Variants in THOC2 observed in about 807,000 individuals in gnomAD.
THOC2 encodes THO complex 2.
In THOC2, 10 loss-of-function variants were observed where a neutral mutation model predicts 128.4. That is an observed-to-expected ratio of 0.08 (90% CI 0.05 to 0.13). The LOEUF is 0.13. Among genes scored for constraint, THOC2 ranks in the 10% least tolerant of loss-of-function variants. The probability of loss-of-function intolerance (pLI) is 1.00; values close to 1 mark genes in which losing one functional copy is unlikely to be tolerated. For missense variants in THOC2, 535 were observed against 1,155.7 expected (o/e 0.46, Z 7.79); for synonymous variants, 393 against 396.9 (o/e 0.99, Z 0.12).
chrX:123,672,571 G>T (rs1422911385), intron 8 of THOC2, among the ~76,000 whole-genome samples: 1 of 111,801 alleles, frequency 8.9e-6, no homozygotes, highest in Non-Finnish European at 1.9e-5. Flanking sequence ...TATTTCTTGG[G>T]TTTTATGCTA....
Position 123,632,924 on chromosome X carries a change from A to G in THOC2, c.2253T>C (p.Asn751=). ...CTCCACCTTCCTGAAAGATTACCCC[A>G]TTTCTCTGCTGAGCCATAAGCAGAC... ...PLCLLMAQQR[N]GVIFQEGGEK... Residue 751 remains asparagine (N), a synonymous_variant, in exon 21 of 39, where the codon AAT becomes AAC. Transcript: ENST00000245838. The G allele has an allele frequency of 1.7e-6, 2 of 1,209,171 alleles. No individual in the cohort carries two copies. The highest frequency in any genetic ancestry group is 2.2e-6 in the Non-Finnish European group (2 of 893,575).
intron 1 of THOC2, among the ~76,000 whole-genome samples, chrX:123,728,811 T>C (rs777435000): frequency 1.8e-5 from 2 of 112,530 alleles, no homozygotes; most frequent in South Asian, 3.6e-4. Flanking sequence ...AACTTTCTAA[T>C]TGATACCTAA....
chrX:123,716,549 C>T (rs758159849), intron 1 of THOC2, among the ~76,000 whole-genome samples: 24 of 110,287 alleles, frequency 2.2e-4, no homozygotes, highest in Admixed American at 2.9e-4. Flanking sequence ...CACGGTGAAT[C>T]TCCGTCTCTA....
At position 123,709,460 on chromosome X, in the gene THOC2, G is replaced by A. The variant is rs751853307; in HGVS notation, c.131-2511C>T. Among the ~76,000 whole-genome samples the A allele has an allele frequency of 4.4e-3, 486 of 110,466 alleles. 2 individuals carry two copies. The highest frequency in any genetic ancestry group is 0.015 in the African/African-American group (460 of 30,389). ...CAAAAAATTAGCCGGGCGTGGTGGCGGGCGCCTGTAGTCCCGGCTACTCAG... is the reference window on the plus strand; with the variant it reads ...CAAAAAATTAGCCGGGCGTGGTGGCAGGCGCCTGTAGTCCCGGCTACTCAG... On this transcript the variant is annotated intron_variant, in intron 2 of 38. Coordinates refer to ENST00000245838, the MANE Select transcript of THOC2 (RefSeq NM_001081550.2).
At chrX:123,692,063 C>T (rs1440525205) in intron 7 of THOC2, among the ~76,000 whole-genome samples, 4 of 111,722 alleles carry the variant, frequency 3.6e-5, no homozygotes, top group Non-Finnish European at 7.5e-5. Context: ...TTGCTGACCA[C>T]TGATTTAGAA....
At chrX:123,710,851 G>T (rs1008066930) in intron 2 of THOC2, among the ~76,000 whole-genome samples, 1 of 105,477 alleles carries the variant, frequency 9.5e-6, no homozygotes, top group African/African-American at 3.4e-5. Context: ...TTCGCCGGGC[G>T]TGGTGGCGGG....
chrX:123,604,219 C>T (rs959560249), intron 38 of THOC2, among the ~76,000 whole-genome samples: 1 of 111,827 alleles, frequency 8.9e-6, no homozygotes, highest in Non-Finnish European at 1.9e-5. Flanking sequence ...ATCACAGACA[C>T]CTATTGGTGC....
At chrX:123,720,282 C>CA (rs2051631922) in intron 1 of THOC2, among the ~76,000 whole-genome samples, 1 of 109,245 alleles carries the variant, frequency 9.2e-6, no homozygotes, top group African/African-American at 3.3e-5. Context: ...TCCATCTCTA[C>CA]AAAAAAAATT....
chrX:123,700,778 A>G (rs2147916836), intron 4 of THOC2, among the ~76,000 whole-genome samples: 1 of 112,078 alleles, frequency 8.9e-6, no homozygotes, highest in South Asian at 3.7e-4. Context: ...CCACCTTTAC[A>G]GGAGTTGATG....
chrX:123,719,275 G>GA (rs998995857), intron 1 of THOC2, among the ~76,000 whole-genome samples: 9 of 106,492 alleles, frequency 8.5e-5, no homozygotes, highest in Non-Finnish European at 1.4e-4. Context: ...ATGACCAACA[G>GA]AAAAAAAAAC....
intron 8 of THOC2, among the ~76,000 whole-genome samples, chrX:123,682,261 TGAGA>T (rs1285636043): frequency 8.9e-6 from 1 of 112,211 alleles, no homozygotes; most frequent in Non-Finnish European, 1.9e-5. Context: ...CACAATAAAA[TGAGA>T]GAGAAACAAA....
chrX:123,693,014 A>G (rs746382258), intron 7 of THOC2, among the ~76,000 whole-genome samples: 8 of 111,915 alleles, frequency 7.1e-5, no homozygotes, highest in Non-Finnish European at 1.3e-4. Context: ...GAGGCCATGA[A>G]AAATAGGATG....
At chrX:123,690,942 T>G (rs900062387) in intron 7 of THOC2, among the ~76,000 whole-genome samples, 1 of 112,401 alleles carries the variant, frequency 8.9e-6, no homozygotes, top group African/African-American at 3.2e-5. Context: ...CCAGGCATGG[T>G]GGCTCACGCC....
intron 1 of THOC2, among the ~76,000 whole-genome samples, chrX:123,732,458 G>C (rs2148014562): frequency 8.9e-6 from 1 of 112,422 alleles, no homozygotes; most frequent in African/African-American, 3.2e-5. Context: ...GGGCGAAGAG[G>C]AGGGGAGGGG....
intron 16 of THOC2, among the ~76,000 whole-genome samples, chrX:123,639,387 G>A (rs993274460): frequency 2.7e-5 from 3 of 111,582 alleles, no homozygotes; most frequent in Middle Eastern, 4.2e-3. Flanking sequence ...CAAGAGCATG[G>A]AATGTCTTTC....
chrX:123,685,482 G>A (rs1173249157), intron 8 of THOC2, among the ~76,000 whole-genome samples: 1 of 111,875 alleles, frequency 8.9e-6, no homozygotes, highest in African/African-American at 3.2e-5. Context: ...AGAGGGTTGG[G>A]TAAGAATGGT....
chrX:123,623,512 T>TTA (rs397762618), intron 28 of THOC2: 3 of 559,640 alleles, frequency 5.4e-6, no homozygotes, highest in South Asian at 4.5e-5. Flanking sequence ...TTTTTTTTTT[T>TTA]ACTCTTGAAG....
At chrX:123,666,262 C>T (rs2049046445) in intron 11 of THOC2, among the ~76,000 whole-genome samples, 1 of 112,229 alleles carries the variant, frequency 8.9e-6, no homozygotes, top group Non-Finnish European at 1.9e-5. Flanking sequence ...GATATAACAA[C>T]ACTGATTCAA....
chrX:123,683,875 C>G (rs2049893792), intron 8 of THOC2, among the ~76,000 whole-genome samples: 1 of 111,352 alleles, frequency 9.0e-6, no homozygotes, highest in Non-Finnish European at 1.9e-5. Flanking sequence ...GCTGGAATTA[C>G]AGGTGTAAGC....
Sources: allele counts gnomAD v4.1 joint callset (sites outside exome capture counted in the v4.1 genomes callset), GRCh38; gene constraint gnomAD v4.1.1; transcripts MANE v1.5; gene names NCBI Gene and HGNC (gene_info 2026-07-23, HGNC 2026-07-21).